PCDH15: variants seen among roughly 807,000 people sequenced by gnomAD.
PCDH15 encodes the protein protocadherin related 15.
In PCDH15, 129 loss-of-function variants were observed where a neutral mutation model predicts 178.5. The observed-to-expected ratio is 0.72, with a 90% CI of 0.63 to 0.84. The LOEUF is 0.84. PCDH15 is among the 40% of genes least tolerant of loss of function. The probability of loss-of-function intolerance (pLI) is 0.00; values close to 1 mark genes in which losing one functional copy is unlikely to be tolerated. For missense variants in PCDH15, 2,230 were observed against 2,099.9 expected, an observed-to-expected ratio of 1.06 and a Z score of -1.21; for synonymous variants, 800 against 732.0, an observed-to-expected ratio of 1.09 and a Z score of -1.50.
chr10:53,831,212 G>C, intron 30 of PCDH15, 103 bp downstream of exon 30: 1 of 1,038,788 alleles, frequency 9.6e-7, no homozygotes, highest in South Asian at 1.3e-5. Flanking sequence ...TCTCAGAGTA[G>C]TTGCACCATC....
intron 1 of PCDH15, among the ~76,000 whole-genome samples, chr10:54,720,244 A>G (rs7098755): frequency 3.3e-5 from 5 of 151,960 alleles, no homozygotes; most frequent in Non-Finnish European, 5.9e-5. Flanking sequence ...TACATGCACA[A>G]GCATGTTTAT....
chr10:54,320,585 TTTAA>T (rs755157400), intron 7 of PCDH15, among the ~76,000 whole-genome samples: 9 of 122,128 alleles, frequency 7.4e-5, no homozygotes, highest in South Asian at 2.8e-4. Context: ...TATTTTAAAT[TTTAA>T]AAAAAAATAG....
intron 13 of PCDH15, among the ~76,000 whole-genome samples, chr10:54,163,617 C>T (rs1590883921): frequency 6.6e-6 from 1 of 152,094 alleles, no homozygotes; most frequent in East Asian, 1.9e-4. Context: ...GAGGAACAAT[C>T]CTTGAGTCAC....
At chr10:55,442,986 G>T (rs1401420530) in intron 2 of PCDH15, among the ~76,000 whole-genome samples, 1 of 152,050 alleles carries the variant, frequency 6.6e-6, no homozygotes, top group Admixed American at 6.6e-5. Context: ...TTAACTTTTA[G>T]AATTCACTCG....
At chr10:53,928,396 C>T (rs1007188073) in intron 25 of PCDH15, among the ~76,000 whole-genome samples, 1 of 151,952 alleles carries the variant, frequency 6.6e-6, no homozygotes, top group Admixed American at 6.6e-5. Context: ...AATAACTATG[C>T]TAAATCTTTA....
chr10:54,807,516 AGGAACTTG>A (rs1324302986), intron 3 of PCDH15, among the ~76,000 whole-genome samples: 1 of 151,882 alleles, frequency 6.6e-6, no homozygotes, highest in Admixed American at 6.6e-5. Context: ...ATAACTTGCT[AGGAACTTG>A]GGAACTTTTT....
At chr10:54,992,538 G>T (rs1369232608) in intron 2 of PCDH15, among the ~76,000 whole-genome samples, 1 of 152,006 alleles carries the variant, frequency 6.6e-6, no homozygotes, top group East Asian at 1.9e-4. Context: ...AGATCACAAG[G>T]TCAGGAGATT....
chr10:54,487,418 A>G (rs1022288352), intron 3 of PCDH15, among the ~76,000 whole-genome samples: 2 of 152,070 alleles, frequency 1.3e-5, no homozygotes, highest in African/African-American at 2.4e-5. Context: ...GGTGACGGAT[A>G]CACTAAAAGC....
intron 2 of PCDH15, among the ~76,000 whole-genome samples, chr10:55,114,970 T>C (rs921371040): frequency 2.0e-5 from 3 of 152,222 alleles, no homozygotes; most frequent in Non-Finnish European, 4.4e-5. Flanking sequence ...CATTTAAAAA[T>C]ATTAATGAGC....
At chr10:55,137,404 C>T (rs1838222767) in intron 2 of PCDH15, among the ~76,000 whole-genome samples, 1 of 152,024 alleles carries the variant, frequency 6.6e-6, no homozygotes, top group Non-Finnish European at 1.5e-5. Flanking sequence ...CACCATGTAG[C>T]CTAGGTTTAC....
Position 55,486,924 on chromosome 10 carries a change from A to G in PCDH15, c.-156+140701T>C, listed in dbSNP as rs560066679. On this transcript the variant is annotated intron_variant, in intron 2 of 5. Coordinates refer to the PCDH15 transcript ENST00000613346. Reference sequence around the variant, plus strand: ...GAACCAATATTTTATGGGGCAGAAAATCTCCCTACCTACTAAAACTTCAAC... The same window carrying G: ...GAACCAATATTTTATGGGGCAGAAAGTCTCCCTACCTACTAAAACTTCAAC... Among the ~76,000 whole-genome samples, 280 of 151,606 alleles carry G rather than the reference A, an allele frequency of 1.8e-3. 3 individuals are homozygous for G. The highest frequency in any genetic ancestry group is 1.6e-3 in the Non-Finnish European group (108 of 67,726).
chr10:54,242,559 C>T (rs11004160), intron 8 of PCDH15, among the ~76,000 whole-genome samples: 48,025 of 151,818 alleles, frequency 0.32, 8,532 homozygotes, highest in Middle Eastern at 0.43. Context: ...AAATACTTCT[C>T]ACTTCACCAA....
chr10:55,399,087 T>C (rs1246091422), intron 2 of PCDH15, among the ~76,000 whole-genome samples: 1 of 152,206 alleles, frequency 6.6e-6, no homozygotes, highest in Non-Finnish European at 1.5e-5. Flanking sequence ...TAATTTTTAA[T>C]GTATATGTAC....
At chr10:53,958,914 G>T (rs1425096076) in intron 23 of PCDH15, among the ~76,000 whole-genome samples, 1 of 140,038 alleles carries the variant, frequency 7.1e-6, no homozygotes, top group African/African-American at 2.6e-5. Context: ...AGGAGGTGGA[G>T]CTTGTAGTGA....
intron 2 of PCDH15, among the ~76,000 whole-genome samples, chr10:55,356,820 G>T (rs1845092560): frequency 6.6e-6 from 1 of 151,910 alleles, no homozygotes; most frequent in South Asian, 2.1e-4. Context: ...ATCATTTGTA[G>T]TAGAAGACTC....
At chr10:54,058,646 C>G (rs1477729052) in intron 18 of PCDH15, among the ~76,000 whole-genome samples, 1 of 151,910 alleles carries the variant, frequency 6.6e-6, no homozygotes, top group Non-Finnish European at 1.5e-5. Context: ...GGGATACAAC[C>G]AAACCATATC....
chr10:55,626,718 G>A (rs1837537301), intron 2 of PCDH15, among the ~76,000 whole-genome samples: 1 of 152,156 alleles, frequency 6.6e-6, no homozygotes, highest in African/African-American at 2.4e-5. Context: ...ATGTGTAAGA[G>A]TTGGGAACAA....
At chr10:54,549,724 T>C (rs2086325049) in intron 2 of PCDH15, among the ~76,000 whole-genome samples, 1 of 151,966 alleles carries the variant, frequency 6.6e-6, no homozygotes, top group South Asian at 2.1e-4. Context: ...CAGTATCTTA[T>C]TGAGATAGGA....
At chr10:53,978,772 G>A (rs562148373) in intron 21 of PCDH15, among the ~76,000 whole-genome samples, 2 of 151,114 alleles carry the variant, frequency 1.3e-5, no homozygotes, top group East Asian at 3.9e-4. Flanking sequence ...GGTACCCTAA[G>A]TCATCTCTCT....
Sources: gnomAD v4.1 joint callset for allele counts (sites outside exome capture counted in the v4.1 genomes callset) on GRCh38, gnomAD v4.1.1 for gene constraint, MANE v1.5 for transcripts, NCBI Gene and HGNC (gene_info 2026-07-23, HGNC 2026-07-21) for gene names.